The following GPSM2 variants were observed in gnomAD, a reference collection of about 807,000 sequenced individuals.
GPSM2 encodes G protein-signaling modulator 2.
Under a neutral mutation model 78.4 loss-of-function variants are expected in GPSM2, and 58 were observed. That is an observed-to-expected ratio of 0.74 (90% confidence interval 0.60 to 0.92). The LOEUF (loss-of-function observed/expected upper bound fraction) is 0.92, where lower values mean the gene tolerates loss of function less well. Among genes scored for constraint, GPSM2 ranks in the 40% least tolerant of loss-of-function variants. GPSM2 has a pLI of 0.00. For missense variants in GPSM2, 700 were observed against 815.5 expected (o/e 0.86, Z 1.73); for synonymous variants, 224 against 280.2 (o/e 0.80, Z 2.00).
chr1:108,928,427 CAGG>C (rs1420694555), intron 14 of GPSM2, among the ~76,000 whole-genome samples: 6 of 152,176 alleles, frequency 3.9e-5, no homozygotes, highest in African/African-American at 9.7e-5. Context: ...CAATTTATGA[CAGG>C]AGAAATGAAT....
intron 2 of GPSM2, among the ~76,000 whole-genome samples, chr1:108,892,904 T>C (rs1406325061): frequency 1.3e-5 from 2 of 152,174 alleles, no homozygotes; most frequent in Admixed American, 6.5e-5. Flanking sequence ...ACTAGAGTGT[T>C]TGGGACATTA....
chr1:108,898,657 A>G lies in GPSM2; in HGVS notation c.573A>G (p.Leu191=). ...AVDFYEENLS[L]VTALGDRAAQ... ...GATCCCTTAGGGAAAACCTATCATT[A>G]GTGACTGCTTTGGGTGACCGAGCGG... Residue 191 remains leucine, a synonymous_variant, in exon 6 of 15, where the codon TTA becomes TTG. Coordinates refer to ENST00000264126, the MANE Select transcript of GPSM2 (RefSeq NM_013296.5). 1 of 1,613,940 alleles carries G rather than the reference A, an allele frequency of 6.2e-7. No individual in the cohort carries two copies. The highest frequency in any genetic ancestry group is 2.2e-5 in the East Asian group (1 of 44,866).
chr1:108,912,819 C>A (rs1297507765), intron 10 of GPSM2, among the ~76,000 whole-genome samples: 2 of 132,190 alleles, frequency 1.5e-5, no homozygotes, highest in Non-Finnish European at 3.1e-5. Context: ...TTGAGGTGGG[C>A]AGATCACTTG....
intron 1 of GPSM2, among the ~76,000 whole-genome samples, chr1:108,885,000 T>TG (rs1647417318): frequency 6.6e-6 from 1 of 152,256 alleles, no homozygotes; most frequent in African/African-American, 2.4e-5. Context: ...GATGCTAATA[T>TG]GATACATACT....
At chr1:108,905,178 G>A (rs1649121158) in intron 10 of GPSM2, among the ~76,000 whole-genome samples, 1 of 152,204 alleles carries the variant, frequency 6.6e-6, no homozygotes. Context: ...GTGGTTGAAT[G>A]ATGGGCTAAG....
chr1:108,885,852 A>C (rs1647496951), intron 2 of GPSM2, among the ~76,000 whole-genome samples: 1 of 152,242 alleles, frequency 6.6e-6, no homozygotes, highest in South Asian at 2.1e-4. Context: ...GCAAATATGT[A>C]AATGAAATAT....
chr1:108,918,133 T>C (rs899451067), intron 11 of GPSM2, among the ~76,000 whole-genome samples: 3 of 152,192 alleles, frequency 2.0e-5, no homozygotes, highest in South Asian at 2.1e-4. Flanking sequence ...TAGACCTTTA[T>C]AAATTGGTTT....
At chr1:108,929,226 C>T (rs376183601) in intron 14 of GPSM2, among the ~76,000 whole-genome samples, 3 of 151,982 alleles carry the variant, frequency 2.0e-5, no homozygotes, top group Admixed American at 6.6e-5. Flanking sequence ...TTACAGAAGC[C>T]GGCACTGGGT....
At chr1:108,914,515 C>T in intron 11 of GPSM2, 107 bp downstream of exon 11, 1 of 819,606 alleles carries the variant, frequency 1.2e-6, no homozygotes. Context: ...ATATAGGTAT[C>T]ACTTTAAAAT....
chr1:108,919,249 T>C (rs759646456), intron 12 of GPSM2, among the ~76,000 whole-genome samples: 3 of 152,122 alleles, frequency 2.0e-5, no homozygotes, highest in Admixed American at 6.6e-5. Context: ...CTCAAATGAT[T>C]TGCCTGCCTT....
rs1233851630 is a variant in GPSM2 at position 108,931,416 on chromosome 1, G to C, written c.*1476G>C. ...GGACCTGGAGTAACACTGGATCACA[G>C]ACTGCAAAGGCCCACGCTTGGAACA... On this transcript the variant is annotated 3_prime_UTR_variant, in exon 15 of 15. Transcript: ENST00000264126. The C allele has an allele frequency of 3.2e-6, 5 of 1,551,118 alleles. No individual in the cohort carries two copies. The highest frequency in any genetic ancestry group is 4.4e-6 in the Non-Finnish European group (5 of 1,147,112).
intron 7 of GPSM2, among the ~76,000 whole-genome samples, chr1:108,901,474 A>AT (rs1441671083): frequency 1.3e-5 from 2 of 152,186 alleles, no homozygotes; most frequent in Non-Finnish European, 2.9e-5. Context: ...ACTAAAGGGA[A>AT]AGTTTTTTTA....
rs1340249952 is a variant in GPSM2 at position 108,932,724 on chromosome 1, C to T, written c.*2784C>T. 1 of 152,176 alleles carries T rather than the reference C, an allele frequency of 6.6e-6. No individual in the cohort carries two copies. The highest frequency in any genetic ancestry group is 2.4e-5 in the African/African-American group (1 of 41,444). The allele number at this position is 152,176 out of a possible 1,614,324, so 9.4% of individuals were successfully genotyped here. A position where few individuals can be genotyped will look rare whatever the true frequency, so the allele number is the denominator to read the frequency against. ...GTGAACATGTCTTGTCCCAAGAGGA[C>T]ACTTTATACGCATGGATGTTCACAA... On this transcript the variant is annotated 3_prime_UTR_variant, in exon 15 of 15. Transcript: ENST00000264126.
At chr1:108,900,881 T>C (rs1020278738) in intron 7 of GPSM2, among the ~76,000 whole-genome samples, 3 of 152,118 alleles carry the variant, frequency 2.0e-5, no homozygotes, top group East Asian at 1.9e-4. Flanking sequence ...CGTTACCGCA[T>C]AGTAATTTGT....
At chr1:108,915,240 G>T (rs926083890) in intron 11 of GPSM2, among the ~76,000 whole-genome samples, 2 of 150,646 alleles carry the variant, frequency 1.3e-5, no homozygotes, top group African/African-American at 4.9e-5. Context: ...GTGTGGTGGT[G>T]TCCGCCTATA....
intron 8 of GPSM2, among the ~76,000 whole-genome samples, chr1:108,902,379 CAAAA>C (rs5776957): frequency 5.2e-5 from 4 of 76,876 alleles, no homozygotes; most frequent in East Asian, 4.1e-4. Flanking sequence ...GACTGCATCT[CAAAA>C]AAAAAAAAAA....
At chr1:108,902,320 G>A (rs1456252306) in intron 8 of GPSM2, among the ~76,000 whole-genome samples, 1 of 151,354 alleles carries the variant, frequency 6.6e-6, no homozygotes, top group Non-Finnish European at 1.5e-5. Context: ...GGTGGAGGTT[G>A]CAGTGAGCTG....
intron 2 of GPSM2, among the ~76,000 whole-genome samples, chr1:108,895,601 G>A (rs577887249): frequency 6.6e-6 from 1 of 152,016 alleles, no homozygotes; most frequent in East Asian, 1.9e-4. Context: ...CACATTCGAG[G>A]GATCCAGATT....
Position 108,930,021 on chromosome 1 carries a change from A to C in GPSM2, c.*81A>C. On this transcript the variant is annotated 3_prime_UTR_variant, in exon 15 of 15. Transcript: ENST00000264126. ...TTTTTTCCTTAAAAGGAGAATTTAT[A>C]GCACTGTAATACAGCTTAAAATATT... The C allele has an allele frequency of 8.0e-7, 1 of 1,247,270 alleles. No individual in the cohort carries two copies. The highest frequency in any genetic ancestry group is 1.2e-5 in the South Asian group (1 of 80,188). The allele number at this position is 1,247,270 out of a possible 1,614,324, so 77.3% of individuals were successfully genotyped here. A position where few individuals can be genotyped will look rare whatever the true frequency, so the allele number is the denominator to read the frequency against.
Sources: allele counts gnomAD v4.1 joint callset (sites outside exome capture counted in the v4.1 genomes callset), GRCh38; gene constraint gnomAD v4.1.1; transcripts MANE v1.5; gene names NCBI Gene and HGNC (gene_info 2026-07-23, HGNC 2026-07-21).